The following DNER variants were observed in gnomAD, a reference collection of about 807,000 sequenced individuals.
DNER encodes the protein delta and Notch-like epidermal growth factor-related receptor.
DNER carries 33 observed loss-of-function variants against 78.2 expected under a neutral mutation model. The ratio of observed to expected loss-of-function variants is 0.42; its 90% CI spans 0.32 to 0.56. The LOEUF is 0.56. Ranked by LOEUF, DNER falls within the 20% of genes least tolerant of loss-of-function variation. DNER has a pLI of 0.11. For synonymous variants in DNER, 417 were observed against 384.8 expected (o/e 1.08, Z -0.98); for missense variants, 918 against 975.3 (o/e 0.94, Z 0.78).
At chr2:229,390,851 G>A (rs2106337196) in intron 10 of DNER, among the ~76,000 whole-genome samples, 1 of 152,254 alleles carries the variant, frequency 6.6e-6, no homozygotes, top group Non-Finnish European at 1.5e-5. Flanking sequence ...TTATTCTAAT[G>A]GCCTCTTTTA....
intron 9 of DNER, among the ~76,000 whole-genome samples, chr2:229,409,938 C>T (rs1036489760): frequency 6.6e-6 from 1 of 152,102 alleles, no homozygotes; most frequent in Non-Finnish European, 1.5e-5. Flanking sequence ...ACTTTAAACA[C>T]GGAGAATAGA....
intron 1 of DNER, among the ~76,000 whole-genome samples, chr2:229,671,210 G>A (rs1699201233): frequency 6.6e-6 from 1 of 152,188 alleles, no homozygotes; most frequent in Admixed American, 6.5e-5. Context: ...AAACATTGCT[G>A]TTGCCCAAAC....
At chr2:229,598,707 C>T (rs1380747302) in intron 1 of DNER, among the ~76,000 whole-genome samples, 1 of 152,156 alleles carries the variant, frequency 6.6e-6, no homozygotes. Context: ...ATTCTGGATG[C>T]CTCCACCAAG....
intron 4 of DNER, among the ~76,000 whole-genome samples, chr2:229,549,808 G>A (rs889631755): frequency 1.3e-5 from 2 of 151,802 alleles, no homozygotes; most frequent in South Asian, 2.1e-4. Flanking sequence ...GTACTCGAGA[G>A]GCTGAGGCAG....
chr2:229,426,867 C>T (rs1295364778), intron 8 of DNER, among the ~76,000 whole-genome samples: 2 of 152,184 alleles, frequency 1.3e-5, no homozygotes, highest in African/African-American at 2.4e-5. Context: ...ACACAACACA[C>T]ACAATAAAGC....
In DNER at chr2:229,388,491, T is replaced by G; in HGVS notation, c.1724-95A>C. ...AATAAAGATCCAAGGCTAGGGGTCA[T>G]AACCTTTAGCAATAGAGCCCAACCT... On this transcript the variant is annotated intron_variant, in intron 10 of 12. Transcript: ENST00000341772. The G allele has an allele frequency of 2.1e-6, 3 of 1,418,318 alleles. No homozygotes were observed. The South Asian group carries it at 4.9e-5, about 23-fold the overall frequency. The allele number at this position is 1,418,318 out of a possible 1,614,324, so 87.9% of individuals were successfully genotyped here.
intron 1 of DNER, among the ~76,000 whole-genome samples, chr2:229,661,370 G>A (rs76454220): frequency 0.045 from 6,874 of 152,104 alleles, 334 homozygotes; most frequent in African/African-American, 0.1. Context: ...GGTATGTTCC[G>A]GGGCTTTCCA....
chr2:229,559,267 C>T (rs1222904896), intron 4 of DNER, among the ~76,000 whole-genome samples: 2 of 152,120 alleles, frequency 1.3e-5, no homozygotes, highest in South Asian at 2.1e-4. Context: ...CATCTGAATA[C>T]GGATGGTATT....
chr2:229,570,275 C>T (rs1697191534), intron 4 of DNER, among the ~76,000 whole-genome samples: 1 of 152,134 alleles, frequency 6.6e-6, no homozygotes, highest in African/African-American at 2.4e-5. Flanking sequence ...ACACAAAGTT[C>T]CCTGCATTCA....
chr2:229,485,144 C>T (rs537105689), intron 6 of DNER, among the ~76,000 whole-genome samples: 2 of 152,164 alleles, frequency 1.3e-5, no homozygotes, highest in Admixed American at 6.5e-5. Flanking sequence ...CACTGCAGTA[C>T]AACAAAGATA....
At position 229,420,628 on chromosome 2, in the gene DNER, A is replaced by C. The variant is rs562779594; in HGVS notation, c.1487-2398T>G. On this transcript the variant is annotated intron_variant, in intron 8 of 12. Coordinates refer to ENST00000341772, the MANE Select transcript of DNER (RefSeq NM_139072.4). ...GTACAAAATAATACAAATGGCCAAC[A>C]GGCATATGAAAATAACATCACTAAT... 2.0e-5 allele frequency among the ~76,000 whole-genome samples: 3 copies of C among 152,362 alleles called. No individual in the cohort carries two copies. In the South Asian group the frequency reaches 6.2e-4, roughly 32 times the overall value.
At chr2:229,361,423 A>C (rs1489391783) in intron 12 of DNER, among the ~76,000 whole-genome samples, 1 of 152,246 alleles carries the variant, frequency 6.6e-6, no homozygotes, top group African/African-American at 2.4e-5. Context: ...TATAGTCCAC[A>C]GGCCAATTCC....
chr2:229,418,371 G>T (rs1326022292), intron 8 of DNER, 141 bp from the exon 9 acceptor site: 2 of 1,203,880 alleles, frequency 1.7e-6, no homozygotes, highest in African/African-American at 1.5e-5. Context: ...TAGATCTCTT[G>T]GGGTAAAGTT....
At chr2:229,515,509 G>A (rs769455916) in intron 5 of DNER, among the ~76,000 whole-genome samples, 3 of 152,000 alleles carry the variant, frequency 2.0e-5, no homozygotes, top group Non-Finnish European at 1.5e-5. Context: ...TCCATATTGC[G>A]GATAAATTTG....
At chr2:229,376,411 C>A (rs1350856322) in intron 11 of DNER, among the ~76,000 whole-genome samples, 1 of 152,178 alleles carries the variant, frequency 6.6e-6, no homozygotes, top group Non-Finnish European at 1.5e-5. Context: ...TCAGACTTCT[C>A]AGCCTCCAGA....
At chr2:229,550,664 T>C (rs1384583140) in intron 4 of DNER, among the ~76,000 whole-genome samples, 1 of 152,110 alleles carries the variant, frequency 6.6e-6, no homozygotes, top group Non-Finnish European at 1.5e-5. Context: ...TAGTCCCAGC[T>C]ACTCGGGAGG....
At chr2:229,545,732 C>A (rs1696615741) in intron 5 of DNER, among the ~76,000 whole-genome samples, 1 of 152,194 alleles carries the variant, frequency 6.6e-6, no homozygotes, top group African/African-American at 2.4e-5. Context: ...CATGCCCTGG[C>A]CACATCTGCT....
At chr2:229,495,661 A>G (rs1458629471) in intron 6 of DNER, among the ~76,000 whole-genome samples, 2 of 152,194 alleles carry the variant, frequency 1.3e-5, no homozygotes, top group South Asian at 2.1e-4. Context: ...TAGTCTACCA[A>G]TTCAAATGTT....
At chr2:229,684,145 T>TGAGAGAGAGAGA (rs67820927) in intron 1 of DNER, among the ~76,000 whole-genome samples, 9 of 123,070 alleles carry the variant, frequency 7.3e-5, no homozygotes, top group African/African-American at 2.9e-4. Context: ...TCTGTGTATG[T>TGAGAGAGAGAGA]GAGAGAGAGA....
Sources: allele counts gnomAD v4.1 joint callset (sites outside exome capture counted in the v4.1 genomes callset), GRCh38; gene constraint gnomAD v4.1.1; transcripts MANE v1.5; gene names NCBI Gene and HGNC (gene_info 2026-07-23, HGNC 2026-07-21).